Variants in MCTP1 observed in about 807,000 individuals in gnomAD.
MCTP1 encodes multiple C2 and transmembrane domain-containing protein 1.
A neutral mutation model predicts 120.6 loss-of-function variants in MCTP1; 69 were observed. That is an observed-to-expected ratio of 0.57 (90% CI 0.47 to 0.70). The LOEUF (loss-of-function observed/expected upper bound fraction) is 0.70, where lower values mean the gene tolerates loss of function less well. Ranked by LOEUF, MCTP1 falls within the 30% of genes least tolerant of loss-of-function variation. The probability of loss-of-function intolerance (pLI) is 0.00; values close to 1 mark genes in which losing one functional copy is unlikely to be tolerated. For synonymous variants in MCTP1, 529 were observed against 493.1 expected (o/e 1.07, Z -0.96); for missense variants, 1,203 against 1,248.8 (o/e 0.96, Z 0.55).
At chr5:95,198,318 C>T (rs886869648) in intron 1 of MCTP1, among the ~76,000 whole-genome samples, 1 of 152,048 alleles carries the variant, frequency 6.6e-6, no homozygotes, top group African/African-American at 2.4e-5. Context: ...GTTTAGTTTA[C>T]AATTTTTTGA....
At chr5:94,793,342 T>C (rs1779370038) in intron 18 of MCTP1, 1 of 152,204 alleles carries the variant, frequency 6.6e-6, no homozygotes, top group Non-Finnish European at 1.5e-5. Flanking sequence ...TTTATCCTAG[T>C]GATCGTGTTG....
chr5:94,965,096 G>C (rs1262240273), intron 2 of MCTP1, among the ~76,000 whole-genome samples: 3 of 152,108 alleles, frequency 2.0e-5, no homozygotes, highest in Admixed American at 2.0e-4. Context: ...TTTCATTTCT[G>C]CTTGAATAAC....
chr5:95,137,190 C>T (rs547594773), intron 1 of MCTP1, among the ~76,000 whole-genome samples: 36 of 152,282 alleles, frequency 2.4e-4, no homozygotes, highest in Non-Finnish European at 4.7e-4. Flanking sequence ...GGACCTAGAG[C>T]CTCACTAGAG....
chr5:95,118,817 C>T (rs1365772726), intron 1 of MCTP1, among the ~76,000 whole-genome samples: 1 of 152,096 alleles, frequency 6.6e-6, no homozygotes, highest in African/African-American at 2.4e-5. Flanking sequence ...ATAAAGGGGT[C>T]AATTCAGCAC....
At chr5:95,252,563 A>G (rs1757480409) in intron 1 of MCTP1, among the ~76,000 whole-genome samples, 1 of 152,172 alleles carries the variant, frequency 6.6e-6, no homozygotes, top group Admixed American at 6.6e-5. Flanking sequence ...TATTTTTAAG[A>G]AGAAGAATTA....
chr5:95,196,379 G>A (rs979196822), intron 1 of MCTP1, among the ~76,000 whole-genome samples: 3 of 152,126 alleles, frequency 2.0e-5, no homozygotes, highest in Non-Finnish European at 2.9e-5. Flanking sequence ...GGAAACTGAG[G>A]CCTATGTATT....
At chr5:95,120,956 T>C (rs1435320902) in intron 1 of MCTP1, among the ~76,000 whole-genome samples, 7 of 152,082 alleles carry the variant, frequency 4.6e-5, no homozygotes, top group Admixed American at 4.6e-4. Context: ...CCCCCAAAAC[T>C]ATTAGAACTG....
intron 2 of MCTP1, among the ~76,000 whole-genome samples, chr5:95,004,626 A>G (rs1834325741): frequency 6.6e-6 from 1 of 152,204 alleles, no homozygotes; most frequent in South Asian, 2.1e-4. Flanking sequence ...GGCCCCAGAT[A>G]TGTCTCAGGC....
chr5:95,007,777 T>C (rs1581807626), intron 2 of MCTP1, among the ~76,000 whole-genome samples: 1 of 152,282 alleles, frequency 6.6e-6, no homozygotes, highest in Non-Finnish European at 1.5e-5. Flanking sequence ...CCTTTCCCAT[T>C]CCCCAGGCTT....
At chr5:95,028,348 TG>T (rs1351689343) in intron 1 of MCTP1, among the ~76,000 whole-genome samples, 1 of 152,170 alleles carries the variant, frequency 6.6e-6, no homozygotes, top group Non-Finnish European at 1.5e-5. Context: ...TACTATACTT[TG>T]TTTTTGAACT....
At chr5:94,990,076 A>G (rs928517619) in intron 2 of MCTP1, among the ~76,000 whole-genome samples, 1 of 152,218 alleles carries the variant, frequency 6.6e-6, no homozygotes, top group African/African-American at 2.4e-5. Context: ...AGGGGACGGT[A>G]CAATCTCCTG....
At chr5:95,090,475 C>CT (rs1417154361) in intron 1 of MCTP1, among the ~76,000 whole-genome samples, 1 of 151,998 alleles carries the variant, frequency 6.6e-6, no homozygotes, top group South Asian at 2.1e-4. Flanking sequence ...CGGTCCTTGG[C>CT]TTTTTTTGCT....
intron 1 of MCTP1, among the ~76,000 whole-genome samples, chr5:95,211,548 G>C (rs201853194): frequency 6.6e-6 from 1 of 152,074 alleles, no homozygotes; most frequent in Non-Finnish European, 1.5e-5. Flanking sequence ...GCACTTCTCT[G>C]TATTGGTTAT....
intron 19 of MCTP1, among the ~76,000 whole-genome samples, chr5:94,733,915 G>A (rs1763631039): frequency 6.7e-6 from 1 of 149,954 alleles, no homozygotes; most frequent in Non-Finnish European, 1.5e-5. Flanking sequence ...AGTGAGCCCA[G>A]ATCGTGCCAC....
chr5:94,838,313 C>T (rs1790260355), intron 17 of MCTP1, among the ~76,000 whole-genome samples: 1 of 152,180 alleles, frequency 6.6e-6, no homozygotes, highest in South Asian at 2.1e-4. Context: ...GCTGCTGTTT[C>T]AGTTTAGCTC....
intron 1 of MCTP1, among the ~76,000 whole-genome samples, chr5:95,133,646 T>G (rs746797177): frequency 3.3e-5 from 5 of 152,214 alleles, no homozygotes; most frequent in Non-Finnish European, 7.3e-5. Flanking sequence ...CAGAGCAAGA[T>G]TCCATCTCAA....
At chr5:95,226,143 C>A (rs950813696) in intron 1 of MCTP1, among the ~76,000 whole-genome samples, 2 of 152,032 alleles carry the variant, frequency 1.3e-5, no homozygotes. Flanking sequence ...CCCCTTCCCA[C>A]CATTTCCTCC....
intron 1 of MCTP1, among the ~76,000 whole-genome samples, chr5:95,038,842 G>A (rs1477405045): frequency 6.6e-6 from 1 of 152,208 alleles, no homozygotes; most frequent in African/African-American, 2.4e-5. Flanking sequence ...CATGAGGCTT[G>A]AGATTTTCTT....
chr5:94,856,305 G>A (rs532591524), intron 17 of MCTP1, among the ~76,000 whole-genome samples: 5 of 151,696 alleles, frequency 3.3e-5, no homozygotes, highest in South Asian at 4.2e-4. Context: ...GTGTGGTTAC[G>A]ATATAATCAT....
Sources: allele counts gnomAD v4.1 joint callset (sites outside exome capture counted in the v4.1 genomes callset), GRCh38; gene constraint gnomAD v4.1.1; transcripts MANE v1.5; gene names NCBI Gene and HGNC (gene_info 2026-07-23, HGNC 2026-07-21).